CNTN4: variants seen among roughly 807,000 people sequenced by gnomAD.
CNTN4 encodes the protein contactin-4.
Under a neutral mutation model 122.5 loss-of-function variants are expected in CNTN4, and 77 were observed. The observed-to-expected ratio is 0.63, with a 90% CI of 0.52 to 0.76. CNTN4 has a LOEUF of 0.76. CNTN4 is among the 30% of genes least tolerant of loss of function. CNTN4 has a pLI of 0.00. For synonymous variants in CNTN4, 512 were observed against 447.0 expected (o/e 1.15, Z -1.83); for missense variants, 1,256 against 1,259.1 (o/e 1.00, Z 0.04).
At chr3:2,485,235 C>T (rs1450791047) in intron 3 of CNTN4, among the ~76,000 whole-genome samples, 1 of 152,218 alleles carries the variant, frequency 6.6e-6, no homozygotes, top group Non-Finnish European at 1.5e-5. Flanking sequence ...CCGCAGACAG[C>T]ACCTCCCCCT....
intron 14 of CNTN4, among the ~76,000 whole-genome samples, chr3:2,996,005 AT>A (rs1250420417): frequency 6.6e-6 from 1 of 152,188 alleles, no homozygotes; most frequent in Non-Finnish European, 1.5e-5. Context: ...ATTTTATTTA[AT>A]ATATTGTATG....
chr3:2,811,407 CAAA>C (rs143290005), intron 6 of CNTN4, among the ~76,000 whole-genome samples: 3 of 124,072 alleles, frequency 2.4e-5, no homozygotes, highest in Admixed American at 8.3e-5. Context: ...GACTCAGTGT[CAAA>C]AAAAAAAAAA....
chr3:2,900,949 A>T, intron 11 of CNTN4, 128 bp downstream of exon 11: 1 of 1,205,710 alleles, frequency 8.3e-7, no homozygotes, highest in East Asian at 2.5e-5. Flanking sequence ...ATTATGGTGG[A>T]AAAAGTGAGA....
intron 2 of CNTN4, among the ~76,000 whole-genome samples, chr3:2,163,251 G>C (rs2036041813): frequency 1.3e-5 from 2 of 152,146 alleles, no homozygotes; most frequent in South Asian, 4.1e-4. Context: ...ATAAAGTGAG[G>C]AAAAGACACC....
At chr3:2,605,771 T>C (rs1163462293) in intron 4 of CNTN4, among the ~76,000 whole-genome samples, 2 of 152,216 alleles carry the variant, frequency 1.3e-5, no homozygotes, top group Non-Finnish European at 2.9e-5. Flanking sequence ...AACCAACCGA[T>C]GTCCTGTCAG....
At chr3:2,394,084 A>T (rs148072480) in intron 3 of CNTN4, among the ~76,000 whole-genome samples, 51 of 152,314 alleles carry the variant, frequency 3.3e-4, no homozygotes, top group African/African-American at 9.4e-4. Context: ...GTCTATTTTA[A>T]TCCAAAGCTC....
chr3:2,749,258 G>C (rs894747465), intron 6 of CNTN4, among the ~76,000 whole-genome samples: 2 of 151,868 alleles, frequency 1.3e-5, no homozygotes, highest in African/African-American at 4.8e-5. Flanking sequence ...CCACCTCCTG[G>C]GTTCAAGCTA....
chr3:2,902,474 A>G (rs182643262), intron 11 of CNTN4, among the ~76,000 whole-genome samples: 129 of 152,284 alleles, frequency 8.5e-4, no homozygotes, highest in African/African-American at 3.1e-3. Flanking sequence ...CACCTGCTCA[A>G]AATGTGAGTG....
chr3:2,453,444 T>C (rs1446515160), intron 3 of CNTN4, among the ~76,000 whole-genome samples: 1 of 152,174 alleles, frequency 6.6e-6, no homozygotes, highest in African/African-American at 2.4e-5. Flanking sequence ...TTAGTACTTA[T>C]GAGGCACTTT....
At chr3:2,603,934 A>G (rs1576181906) in intron 4 of CNTN4, among the ~76,000 whole-genome samples, 1 of 152,156 alleles carries the variant, frequency 6.6e-6, no homozygotes, top group East Asian at 1.9e-4. Flanking sequence ...ATCCAAGGTG[A>G]ATTGGCAGAG....
intron 5 of CNTN4, among the ~76,000 whole-genome samples, chr3:2,742,078 A>G (rs2089486235): frequency 6.6e-6 from 1 of 152,200 alleles, no homozygotes; most frequent in African/African-American, 2.4e-5. Flanking sequence ...TGGAGAGATC[A>G]AGTATTTTCA....
At chr3:2,769,822 G>A (rs1485824347) in intron 6 of CNTN4, among the ~76,000 whole-genome samples, 1 of 152,066 alleles carries the variant, frequency 6.6e-6, no homozygotes, top group African/African-American at 2.4e-5. Context: ...CGGAGCCAAG[G>A]GTCTACAACA....
intron 6 of CNTN4, among the ~76,000 whole-genome samples, chr3:2,753,056 A>G (rs1211880109): frequency 6.6e-6 from 1 of 152,104 alleles, no homozygotes; most frequent in Non-Finnish European, 1.5e-5. Flanking sequence ...TATTTTGGCT[A>G]TTGTCAATAG....
At chr3:2,466,088 T>C (rs1176527144) in intron 3 of CNTN4, among the ~76,000 whole-genome samples, 1 of 152,174 alleles carries the variant, frequency 6.6e-6, no homozygotes, top group African/African-American at 2.4e-5. Flanking sequence ...CAACACTACA[T>C]GAAGCCATCA....
chr3:2,528,605 T>C (rs887771921), intron 3 of CNTN4, among the ~76,000 whole-genome samples: 3 of 152,164 alleles, frequency 2.0e-5, no homozygotes, highest in Non-Finnish European at 2.9e-5. Context: ...TTAAAAGCAC[T>C]TTTAGGAGGT....
chr3:2,137,707 G>T (rs189481664), intron 2 of CNTN4, among the ~76,000 whole-genome samples: 3 of 152,286 alleles, frequency 2.0e-5, no homozygotes, highest in African/African-American at 7.2e-5. Context: ...GATTTAAGCA[G>T]GAAGAAATGA....
intron 4 of CNTN4, among the ~76,000 whole-genome samples, chr3:2,722,271 C>G (rs914729720): frequency 2.0e-5 from 3 of 152,142 alleles, no homozygotes; most frequent in Non-Finnish European, 4.4e-5. Context: ...ATGTGAGCTC[C>G]TTGGACAGTG....
intron 16 of CNTN4, among the ~76,000 whole-genome samples, chr3:3,032,166 C>G (rs1453478058): frequency 2.6e-5 from 4 of 152,068 alleles, no homozygotes; most frequent in Non-Finnish European, 5.9e-5. Context: ...AACTTTCAAC[C>G]GAGGTAGATC....
rs1017648430 is a variant in CNTN4, at chr3:2,779,738, A to T, written c.358+34041A>T. Among the ~76,000 whole-genome samples, 3 of 152,170 alleles carry T rather than the reference A, an allele frequency of 2.0e-5. 1 individual carries two copies. Among genetic ancestry groups the T allele is most frequent in the Admixed American group, 2.0e-4 (3 of 15,280 alleles). On this transcript the variant is annotated intron_variant, in intron 6 of 24. Coordinates refer to ENST00000418658, the MANE Select transcript of CNTN4 (RefSeq NM_175607.3). ...ACATCACATGGGCAATAAACAGGATAATGTATTTGAAGTATCTAGAAGCCA... is the reference window on the plus strand; with the variant it reads ...ACATCACATGGGCAATAAACAGGATTATGTATTTGAAGTATCTAGAAGCCA...
Sources: gnomAD v4.1 joint callset for allele counts (sites outside exome capture counted in the v4.1 genomes callset) on GRCh38, gnomAD v4.1.1 for gene constraint, MANE v1.5 for transcripts, NCBI Gene and HGNC (gene_info 2026-07-23, HGNC 2026-07-21) for gene names.